CYSLTR2: variants seen among roughly 807,000 people sequenced by gnomAD.
The protein encoded by CYSLTR2 is cysteinyl leukotriene receptor 2, also known as G-protein coupled receptor GPCR21.
For missense variants in CYSLTR2, 398 were observed against 411.9 expected (o/e 0.97, Z 0.29); for synonymous variants, 179 against 160.8 (o/e 1.11, Z -0.86).
chr13:48,700,268 A>C (rs989119065), intron 4 of CYSLTR2, among the ~76,000 whole-genome samples: 1 of 152,170 alleles, frequency 6.6e-6, no homozygotes. Context: ...CAAAAATCCT[A>C]AATAAAATAC....
chr13:48,702,977 GT>G (rs1321466681), intron 4 of CYSLTR2, among the ~76,000 whole-genome samples: 54 of 152,008 alleles, frequency 3.6e-4, no homozygotes, highest in Non-Finnish European at 2.9e-5. Context: ...ATAATTTGTA[GT>G]TTTCAGCATG....
At position 48,664,438 on chromosome 13, in the gene CYSLTR2, T is replaced by C. The variant is rs79084675; in HGVS notation, c.-266+10421T>C. Among the ~76,000 whole-genome samples the C allele has an allele frequency of 7.9e-3, 1,197 of 152,172 alleles. 11 individuals carry two copies. Among genetic ancestry groups the C allele is most frequent in the Non-Finnish European group, 0.011 (747 of 67,922 alleles). On this transcript the variant is annotated intron_variant, in intron 1 of 4. Coordinates refer to ENST00000682523, the MANE Select transcript of CYSLTR2 (RefSeq NM_001308476.3). ...ATTCTTCTTTAAAGATTCAGTAAAA[T>C]TCATCAGTGAAGCCATCTGGTGTTT...
intron 2 of CYSLTR2, among the ~76,000 whole-genome samples, chr13:48,692,414 C>A (rs1160804673): frequency 6.6e-6 from 1 of 151,776 alleles, no homozygotes; most frequent in East Asian, 1.9e-4. Context: ...ATTCATGTAA[C>A]ATTCTACAGT....
chr13:48,697,399 G>C lies in CYSLTR2; in HGVS notation c.-2+773G>C, dbSNP rs79443272. On this transcript the variant is annotated intron_variant, in intron 4 of 4. Coordinates refer to ENST00000682523, the MANE Select transcript of CYSLTR2 (RefSeq NM_001308476.3). ...CCACTGGTGATACTCAGGCAAACAGGGTCTGGAGTGGACCTCCAGCAAATT... is the reference window on the plus strand; with the variant it reads ...CCACTGGTGATACTCAGGCAAACAGCGTCTGGAGTGGACCTCCAGCAAATT... Among the ~76,000 whole-genome samples, 73 of 152,210 alleles carry C rather than the reference G, an allele frequency of 4.8e-4. 1 individual carries two copies. The East Asian group carries it at 0.014, about 29-fold the overall frequency.
chr13:48,684,362 G>A (rs988473064), intron 1 of CYSLTR2, among the ~76,000 whole-genome samples: 3 of 151,732 alleles, frequency 2.0e-5, no homozygotes, highest in African/African-American at 7.3e-5. Context: ...TTTCTATAGA[G>A]AGATGGCATC....
chr13:48,672,342 G>A lies in CYSLTR2; in HGVS notation c.-266+18325G>A, dbSNP rs758338221. Among the ~76,000 whole-genome samples the A allele has an allele frequency of 1.9e-4, 29 of 151,928 alleles. No individual in the cohort carries two copies. The South Asian group carries it at 5.2e-3, about 27-fold the overall frequency. ...CTGGCTTTTGAATTTGTTTGCTCTTGCTTCTCTAGTTCTTATAATTGTGAT... is the reference window on the plus strand; with the variant it reads ...CTGGCTTTTGAATTTGTTTGCTCTTACTTCTCTAGTTCTTATAATTGTGAT... On this transcript the variant is annotated intron_variant, in intron 1 of 4. Coordinates refer to ENST00000682523, the MANE Select transcript of CYSLTR2 (RefSeq NM_001308476.3).
chr13:48,661,986 A>C (rs887928063), intron 1 of CYSLTR2, among the ~76,000 whole-genome samples: 1 of 152,170 alleles, frequency 6.6e-6, no homozygotes, highest in Non-Finnish European at 1.5e-5. Context: ...ATCCTTTACC[A>C]AATCTCTCCC....
chr13:48,693,916 C>G (rs1954099856), intron 3 of CYSLTR2, among the ~76,000 whole-genome samples: 2 of 152,200 alleles, frequency 1.3e-5, no homozygotes, highest in South Asian at 4.1e-4. Context: ...ATTAAAAGTT[C>G]CTCAAGGTGG....
intron 1 of CYSLTR2, among the ~76,000 whole-genome samples, chr13:48,687,559 A>G (rs1953929015): frequency 6.6e-6 from 1 of 152,124 alleles, no homozygotes; most frequent in Non-Finnish European, 1.5e-5. Context: ...TCAATTATCT[A>G]TCATCTATCT....
At chr13:48,696,697 T>C (rs1268662918) in intron 4 of CYSLTR2, 71 bp downstream of exon 4, 1 of 152,202 alleles carries the variant, frequency 6.6e-6, no homozygotes, top group Non-Finnish European at 1.5e-5. Flanking sequence ...GAGCATCGCG[T>C]CACCCAGGAA....
At chr13:48,680,269 T>C (rs746738949) in intron 1 of CYSLTR2, among the ~76,000 whole-genome samples, 4 of 151,816 alleles carry the variant, frequency 2.6e-5, no homozygotes, top group Non-Finnish European at 5.9e-5. Context: ...CGGAGAGGGG[T>C]TAGTGGGGGA....
Position 48,707,978 on chromosome 13 carries a change from A to T in CYSLTR2, c.*120A>T, listed in dbSNP as rs1344855571. ...AATGTTGATTCTTAATATTTAGTTGACCATTACTTTTGTTAATAAGACCTA... is the reference window on the plus strand; with the variant it reads ...AATGTTGATTCTTAATATTTAGTTGTCCATTACTTTTGTTAATAAGACCTA... On this transcript the variant is annotated 3_prime_UTR_variant, in exon 5 of 5. Coordinates refer to ENST00000682523, the MANE Select transcript of CYSLTR2 (RefSeq NM_001308476.3). 4 of 881,576 alleles carry T rather than the reference A, an allele frequency of 4.5e-6. No homozygotes were observed. Among genetic ancestry groups the T allele is most frequent in the Admixed American group, 6.9e-5 (2 of 29,090 alleles). 54.6% of individuals were successfully genotyped at this position (881,576 alleles called of 1,614,324 possible).
chr13:48,706,112 T>C (rs1161997778), intron 4 of CYSLTR2, among the ~76,000 whole-genome samples: 1 of 150,620 alleles, frequency 6.6e-6, no homozygotes, highest in Non-Finnish European at 1.5e-5. Flanking sequence ...TTCTCCTGCC[T>C]CAGCCTCCCG....
At chr13:48,704,065 A>G (rs1205239001) in intron 4 of CYSLTR2, among the ~76,000 whole-genome samples, 2 of 152,134 alleles carry the variant, frequency 1.3e-5, no homozygotes, top group Non-Finnish European at 2.9e-5. Context: ...GTATCTATCG[A>G]TAGTGTTATC....
chr13:48,669,252 C>A (rs1424415506), intron 1 of CYSLTR2, among the ~76,000 whole-genome samples: 3 of 151,950 alleles, frequency 2.0e-5, no homozygotes, highest in Non-Finnish European at 2.9e-5. Context: ...CCTATTTCTC[C>A]ACATCCTCTC....
At chr13:48,675,695 T>C (rs1360597885) in intron 1 of CYSLTR2, among the ~76,000 whole-genome samples, 1 of 151,904 alleles carries the variant, frequency 6.6e-6, no homozygotes, top group Non-Finnish European at 1.5e-5. Context: ...CACCGAGGCA[T>C]AGCAAAAAAC....
chr13:48,706,888 G>A lies in CYSLTR2; in HGVS notation c.71G>A (p.Ser24Asn), dbSNP rs1199425785. ...GAAATGGAACCAAATGGCACCTTCA[G>A]CAATAACAACAGCAGGAACTGCACA... ...VSEMEPNGTF[S>N]NNNSRNCTIE... is the part of the protein sequence containing the mutation. The change falls in exon 5 of 5, where the codon AGC becomes AAC. Residue 24 changes from serine to asparagine, a missense_variant. By Grantham distance (46) the Ser-to-Asn change is conservative. Coordinates refer to ENST00000682523, the MANE Select transcript of CYSLTR2 (RefSeq NM_001308476.3). 1 of 1,614,148 alleles carries A rather than the reference G, an allele frequency of 6.2e-7. No homozygotes were observed. The highest frequency in any genetic ancestry group is 8.5e-7 in the Non-Finnish European group (1 of 1,180,020).
rs531015993 is a variant in CYSLTR2 at position 48,709,706 on chromosome 13, A to C, written c.*1848A>C. 2 of 152,376 alleles carry C rather than the reference A, an allele frequency of 1.3e-5. No individual in the cohort carries two copies. Among genetic ancestry groups the C allele is most frequent in the East Asian group, 3.9e-4 (2 of 5,192 alleles). The allele number at this position is 152,376 out of a possible 1,614,324, so 9.4% of individuals were successfully genotyped here. A position where few individuals can be genotyped will look rare whatever the true frequency, so the allele number is the denominator to read the frequency against. On this transcript the variant is annotated 3_prime_UTR_variant, in exon 5 of 5. Coordinates refer to ENST00000682523, the MANE Select transcript of CYSLTR2 (RefSeq NM_001308476.3). ...GGCACCAACAAATAAATGTGAGAGT[A>C]GATAGAGACCTTTTGAGTATAAAAG...
At chr13:48,667,383 G>C (rs953427644) in intron 1 of CYSLTR2, among the ~76,000 whole-genome samples, 1 of 152,224 alleles carries the variant, frequency 6.6e-6, no homozygotes, top group Non-Finnish European at 1.5e-5. Flanking sequence ...GTCAGCCTGG[G>C]GGGTGGAGGG....
Sources: allele counts gnomAD v4.1 joint callset (sites outside exome capture counted in the v4.1 genomes callset), GRCh38; gene constraint gnomAD v4.1.1; transcripts MANE v1.5; gene names NCBI Gene and HGNC (gene_info 2026-07-23, HGNC 2026-07-21).